METTL15: variants seen among roughly 807,000 people sequenced by gnomAD.
The protein encoded by METTL15 is 12S rRNA N(4)-cytidine methyltransferase METTL15.
A neutral mutation model predicts 38.3 loss-of-function variants in METTL15; 34 were observed. The ratio of observed to expected loss-of-function variants is 0.89; its 90% CI spans 0.68 to 1.18. The LOEUF (loss-of-function observed/expected upper bound fraction) is 1.18, where lower values mean the gene tolerates loss of function less well. METTL15 is among the 50% of genes most tolerant of loss of function. The probability of loss-of-function intolerance (pLI) is 0.00; values close to 1 mark genes in which losing one functional copy is unlikely to be tolerated. For missense variants in METTL15, 438 were observed against 498.4 expected, an observed-to-expected ratio of 0.88 and a Z score of 1.15; for synonymous variants, 162 against 170.9, an observed-to-expected ratio of 0.95 and a Z score of 0.41.
At chr11:28,352,914 T>C (rs901847829) in intron 4 of METTL15, among the ~76,000 whole-genome samples, 2 of 152,182 alleles carry the variant, frequency 1.3e-5, no homozygotes, top group African/African-American at 4.8e-5. Context: ...ATAATATCAG[T>C]TGCATGATAC....
intron 4 of METTL15, among the ~76,000 whole-genome samples, chr11:28,212,241 T>C (rs1852671775): frequency 6.6e-6 from 1 of 152,082 alleles, no homozygotes; most frequent in Admixed American, 6.5e-5. Context: ...TACAAGATCA[T>C]AGGATTTATG....
intron 5 of METTL15, among the ~76,000 whole-genome samples, chr11:28,417,677 C>T (rs1850785067): frequency 2.0e-5 from 3 of 152,008 alleles, no homozygotes; most frequent in Non-Finnish European, 2.9e-5. Context: ...GATTTATCTA[C>T]CTAATTTTGT....
intron 3 of METTL15, chr11:28,163,185 G>C (rs566548854): frequency 7.9e-5 from 31 of 390,390 alleles, no homozygotes; most frequent in African/African-American, 6.6e-4. Context: ...ACGTAGTCAA[G>C]AAGAAGCAAC....
chr11:28,148,973 T>C (rs1428809535), intron 3 of METTL15, among the ~76,000 whole-genome samples: 1 of 151,928 alleles, frequency 6.6e-6, no homozygotes, highest in Non-Finnish European at 1.5e-5. Flanking sequence ...GTTAAAAGGA[T>C]GGGAAATGAG....
chr11:28,380,533 G>A (rs1302894507), intron 5 of METTL15, among the ~76,000 whole-genome samples: 3 of 151,968 alleles, frequency 2.0e-5, no homozygotes, highest in Non-Finnish European at 2.9e-5. Context: ...TGGTTGTTTT[G>A]TAACTCATAT....
chr11:28,379,064 A>G (rs906441670), intron 5 of METTL15, among the ~76,000 whole-genome samples: 1 of 151,658 alleles, frequency 6.6e-6, no homozygotes, highest in Non-Finnish European at 1.5e-5. Context: ...TCCAGTGGTT[A>G]TGTCTCCATT....
chr11:28,220,405 A>G (rs1302316426), intron 4 of METTL15, among the ~76,000 whole-genome samples: 2 of 151,528 alleles, frequency 1.3e-5, no homozygotes, highest in Non-Finnish European at 2.9e-5. Context: ...TTTGTTTTCC[A>G]TTTGCTTGGT....
In METTL15 at chr11:28,312,332, T is replaced by C. The variant is rs1348355458; in HGVS notation, c.778+15401T>C. Among the ~76,000 whole-genome samples, 4 of 152,206 alleles carry C rather than the reference T, an allele frequency of 2.6e-5. No individual in the cohort carries two copies. In the East Asian group the frequency reaches 7.7e-4, roughly 29 times the overall value. ...TAACAATGATATTGAAGCTACTACA[T>C]TTGCTTCCTAAAAAGAAGAAAAAAT... is the stretch of plus-strand genomic sequence containing the variant. On this transcript the variant is annotated intron_variant, in intron 6 of 6. Transcript: ENST00000407364.
intron 3 of METTL15, among the ~76,000 whole-genome samples, chr11:28,174,806 T>G (rs982503607): frequency 7.4e-5 from 9 of 121,486 alleles, no homozygotes; most frequent in African/African-American, 2.6e-4. Context: ...CAGAGCGAGA[T>G]TCTGTCTCAA....
At chr11:28,110,901 G>C (rs1394169821) in intron 2 of METTL15, among the ~76,000 whole-genome samples, 1 of 152,142 alleles carries the variant, frequency 6.6e-6, no homozygotes, top group Non-Finnish European at 1.5e-5. Flanking sequence ...AGATCACAGA[G>C]GCAGTTTTCC....
chr11:28,374,642 T>C (rs1345033803), intron 5 of METTL15, among the ~76,000 whole-genome samples: 2 of 146,758 alleles, frequency 1.4e-5, no homozygotes, highest in African/African-American at 2.5e-5. Context: ...CTTTTCCTAA[T>C]TGAATACCCT....
At chr11:28,238,456 G>A (rs1037397694) in intron 4 of METTL15, among the ~76,000 whole-genome samples, 5 of 152,300 alleles carry the variant, frequency 3.3e-5, no homozygotes, top group Non-Finnish European at 5.9e-5. Context: ...TAAGCCCGTC[G>A]GAAAAGCGCA....
rs564206987 is a variant in METTL15 at position 28,274,193 on chromosome 11, C to T, written c.408-16013C>T. ...TTACAGAAGGAATTAATTTTTCTTACTCTTACTGAACTTAAAAAAAGAAAT... is the reference window on the plus strand; with the variant it reads ...TTACAGAAGGAATTAATTTTTCTTATTCTTACTGAACTTAAAAAAAGAAAT... On this transcript the variant is annotated intron_variant, in intron 4 of 6. Coordinates refer to ENST00000407364, the MANE Select transcript of METTL15 (RefSeq NM_001113528.2). Among the ~76,000 whole-genome samples, 5 of 152,088 alleles carry T rather than the reference C, an allele frequency of 3.3e-5. No individual in the cohort carries two copies. In the South Asian group the frequency reaches 1.0e-3, roughly 32 times the overall value.
chr11:28,285,624 TG>T (rs1439986518), intron 4 of METTL15, among the ~76,000 whole-genome samples: 2 of 152,102 alleles, frequency 1.3e-5, no homozygotes, highest in African/African-American at 4.8e-5. Flanking sequence ...AGGAGTACAT[TG>T]TATTTTAGGT....
chr11:28,349,640 T>C (rs936613218), intron 3 of METTL15, among the ~76,000 whole-genome samples: 9 of 152,224 alleles, frequency 5.9e-5, no homozygotes, highest in Non-Finnish European at 1.3e-4. Flanking sequence ...CTTAAATATA[T>C]TTTAATTGCA....
intron 6 of METTL15, among the ~76,000 whole-genome samples, chr11:28,435,627 A>G (rs2133435713): frequency 6.6e-6 from 1 of 152,338 alleles, no homozygotes; most frequent in African/African-American, 2.4e-5. Context: ...AGTGTGAGAC[A>G]CCTCTATAGA....
chr11:28,260,635 G>A (rs1160901674), intron 4 of METTL15, among the ~76,000 whole-genome samples: 1 of 152,148 alleles, frequency 6.6e-6, no homozygotes, highest in Admixed American at 6.6e-5. Context: ...CTCTACAGTT[G>A]AGCAGATAAA....
intron 5 of METTL15, among the ~76,000 whole-genome samples, chr11:28,389,080 G>A (rs1234150104): frequency 6.6e-6 from 1 of 151,820 alleles, no homozygotes; most frequent in Non-Finnish European, 1.5e-5. Flanking sequence ...CCAGTCTATC[G>A]TTGTAGGATA....
At chr11:28,234,739 C>G (rs1199739340) in intron 4 of METTL15, among the ~76,000 whole-genome samples, 4 of 141,088 alleles carry the variant, frequency 2.8e-5, no homozygotes, top group East Asian at 4.2e-4. Context: ...CAAAAATTTT[C>G]TCCCATTTTG....
Sources: gnomAD v4.1 joint callset for allele counts (sites outside exome capture counted in the v4.1 genomes callset) on GRCh38, gnomAD v4.1.1 for gene constraint, MANE v1.5 for transcripts, NCBI Gene and HGNC (gene_info 2026-07-23, HGNC 2026-07-21) for gene names.